Variants in FBXL7 observed in about 807,000 individuals in gnomAD.
The protein encoded by FBXL7 is F-box and leucine rich repeat protein 7.
A neutral mutation model predicts 38.3 loss-of-function variants in FBXL7; 12 were observed. That is an observed-to-expected ratio of 0.31 (90% CI 0.20 to 0.51). The LOEUF is 0.51. Ranked by LOEUF, FBXL7 falls within the 20% of genes least tolerant of loss-of-function variation. FBXL7 has a pLI of 0.98. For synonymous variants in FBXL7, 297 were observed against 300.9 expected (o/e 0.99, Z 0.13); for missense variants, 567 against 676.4 (o/e 0.84, Z 1.79).
chr5:15,761,624 G>A (rs1736447910), intron 2 of FBXL7, among the ~76,000 whole-genome samples: 1 of 152,150 alleles, frequency 6.6e-6, no homozygotes, highest in Non-Finnish European at 1.5e-5. Context: ...GCTCACTGCA[G>A]CCTCCATCTC....
chr5:15,852,632 A>G (rs564320381), intron 2 of FBXL7, among the ~76,000 whole-genome samples: 2 of 152,220 alleles, frequency 1.3e-5, no homozygotes, highest in African/African-American at 4.8e-5. Context: ...CTGCTGTTGG[A>G]GAAGACCACA....
At chr5:15,806,938 TTTTTC>T (rs371297655) in intron 2 of FBXL7, among the ~76,000 whole-genome samples, 5 of 152,008 alleles carry the variant, frequency 3.3e-5, no homozygotes, top group African/African-American at 7.3e-5. Context: ...TACAATTGCA[TTTTTC>T]TTTTCTTTTC....
Position 15,928,532 on chromosome 5 carries a change from C to A in FBXL7, c.739+31C>A. ...TGGACACTGACCTACCAGCTATGGG[C>A]CCTCCTGGTGCACCATCCTAAAACA... On this transcript the variant is annotated intron_variant, in intron 3 of 3. Coordinates refer to ENST00000504595, the MANE Select transcript of FBXL7 (RefSeq NM_012304.5). The surrounding 1 kb of genome is among the most constrained non-coding windows in gnomAD (Gnocchi z 4.0). 1 of 1,581,588 alleles carries A rather than the reference C, an allele frequency of 6.3e-7. No individual in the cohort carries two copies. The highest frequency in any genetic ancestry group is 8.6e-7 in the Non-Finnish European group (1 of 1,162,472).
At chr5:15,541,936 G>A (rs1244245542) in intron 1 of FBXL7, among the ~76,000 whole-genome samples, 1 of 151,768 alleles carries the variant, frequency 6.6e-6, no homozygotes, top group Non-Finnish European at 1.5e-5. Context: ...TGTGTAAAGT[G>A]TGGATTCCTT....
Position 15,816,476 on chromosome 5 carries a change from T to C in FBXL7, c.128-111414T>C, listed in dbSNP as rs545772297. Among the ~76,000 whole-genome samples, 10 of 151,514 alleles carry C rather than the reference T, an allele frequency of 6.6e-5. No individual in the cohort carries two copies. In the South Asian group the frequency reaches 2.1e-3, roughly 32 times the overall value. ...AGCATACAGAGTGGTATAATGGACA[T>C]TGAAGACTCAGAAGTGGGGAGGTGA... is the stretch of plus-strand genomic sequence containing the variant. On this transcript the variant is annotated intron_variant, in intron 2 of 3. Coordinates refer to ENST00000504595, the MANE Select transcript of FBXL7 (RefSeq NM_012304.5).
chr5:15,595,282 A>C (rs1167197850), intron 1 of FBXL7, among the ~76,000 whole-genome samples: 1 of 152,196 alleles, frequency 6.6e-6, no homozygotes, highest in Admixed American at 6.5e-5. Context: ...AGACCCAGAA[A>C]GGCTGCTGTG....
chr5:15,644,080 C>T (rs188883483), intron 2 of FBXL7, among the ~76,000 whole-genome samples: 1 of 152,094 alleles, frequency 6.6e-6, no homozygotes, highest in African/African-American at 2.4e-5. Flanking sequence ...GAATAGTTTG[C>T]TATTTATGCT....
chr5:15,529,969 G>C lies in FBXL7; in HGVS notation c.37+29256G>C, dbSNP rs1014986918. 2.0e-5 allele frequency among the ~76,000 whole-genome samples: 3 copies of C among 152,182 alleles called. No individual in the cohort carries two copies. In the South Asian group the frequency reaches 6.2e-4, roughly 32 times the overall value. On this transcript the variant is annotated intron_variant, in intron 1 of 3. Transcript: ENST00000504595. ...GTGGCTTCACGGTAGCTGTAACCAA[G>C]GAAGTGTATATTGATATCTGTGGGA...
chr5:15,889,849 A>G (rs1354811767), intron 2 of FBXL7, among the ~76,000 whole-genome samples: 1 of 152,188 alleles, frequency 6.6e-6, no homozygotes, highest in African/African-American at 2.4e-5. Flanking sequence ...TTCAACAGCT[A>G]TTCCCAACTA....
At chr5:15,682,957 C>T (rs1742896837) in intron 2 of FBXL7, among the ~76,000 whole-genome samples, 1 of 152,190 alleles carries the variant, frequency 6.6e-6, no homozygotes, top group South Asian at 2.1e-4. Flanking sequence ...ACATACAGAG[C>T]TTTAGGTAAT....
chr5:15,548,066 G>A (rs1420526017), intron 1 of FBXL7, among the ~76,000 whole-genome samples: 5 of 152,170 alleles, frequency 3.3e-5, no homozygotes, highest in Non-Finnish European at 7.4e-5. Flanking sequence ...TTACATGAAA[G>A]GATACTAGAA....
intron 1 of FBXL7, among the ~76,000 whole-genome samples, chr5:15,508,804 T>C (rs1231802749): frequency 6.6e-6 from 1 of 152,196 alleles, no homozygotes; most frequent in Non-Finnish European, 1.5e-5. Context: ...TACATACGTG[T>C]TTATATCTAT....
At chr5:15,600,465 G>T (rs913239469) in intron 1 of FBXL7, among the ~76,000 whole-genome samples, 3 of 152,132 alleles carry the variant, frequency 2.0e-5, no homozygotes, top group African/African-American at 4.8e-5. Flanking sequence ...AAGAGTGGGG[G>T]TCTGTTCATT....
intron 2 of FBXL7, among the ~76,000 whole-genome samples, chr5:15,712,409 T>C (rs945528009): frequency 1.3e-5 from 2 of 150,138 alleles, no homozygotes; most frequent in African/African-American, 4.9e-5. Context: ...CTGAAAAACC[T>C]GATACATGAA....
chr5:15,506,736 C>T (rs189835820), intron 1 of FBXL7, among the ~76,000 whole-genome samples: 1 of 151,656 alleles, frequency 6.6e-6, no homozygotes, highest in Admixed American at 6.6e-5. Flanking sequence ...AACTCTCTGG[C>T]CTCTTCTTTT....
chr5:15,530,640 A>G (rs556793967), intron 1 of FBXL7, among the ~76,000 whole-genome samples: 7 of 152,312 alleles, frequency 4.6e-5, no homozygotes, highest in African/African-American at 1.7e-4. Context: ...TAGTGAAAAA[A>G]CAGATTAAAA....
At chr5:15,727,807 C>T (rs1041707668) in intron 2 of FBXL7, among the ~76,000 whole-genome samples, 13 of 152,134 alleles carry the variant, frequency 8.5e-5, no homozygotes, top group African/African-American at 2.4e-4. Flanking sequence ...TAAATATTCT[C>T]GCTGATTCTT....
intron 1 of FBXL7, among the ~76,000 whole-genome samples, chr5:15,552,292 T>G (rs1738097890): frequency 6.6e-6 from 1 of 152,202 alleles, no homozygotes; most frequent in Non-Finnish European, 1.5e-5. Context: ...AGTCTCCTGG[T>G]CTTGCCTCTG....
At chr5:15,901,299 T>C (rs924093468) in intron 2 of FBXL7, among the ~76,000 whole-genome samples, 1 of 152,212 alleles carries the variant, frequency 6.6e-6, no homozygotes, top group African/African-American at 2.4e-5. Context: ...GACTGTCTTC[T>C]GACTGTGTCT....
Sources: gnomAD v4.1 joint callset for allele counts (sites outside exome capture counted in the v4.1 genomes callset) on GRCh38, gnomAD v4.1.1 for gene constraint, Gnocchi (gnomAD v3.1) non-coding constraint, MANE v1.5 for transcripts, NCBI Gene and HGNC (gene_info 2026-07-23, HGNC 2026-07-21) for gene names.